PGM2: variants seen among roughly 807,000 people sequenced by gnomAD.
The protein encoded by PGM2 is phosphopentomutase.
PGM2 carries 57 observed loss-of-function variants against 74.6 expected under a neutral mutation model. The ratio of observed to expected loss-of-function variants is 0.76; its 90% confidence interval spans 0.62 to 0.95. The LOEUF (loss-of-function observed/expected upper bound fraction) is 0.95. PGM2 is among the 40% of genes least tolerant of loss of function. The pLI is 0.00. For synonymous variants in PGM2, 273 were observed against 260.7 expected (o/e 1.05, Z -0.46); for missense variants, 706 against 741.9 (o/e 0.95, Z 0.56).
rs1329354660 is a variant in PGM2, at chr4:37,862,747, A to G, written c.*1135A>G. On this transcript the variant is annotated 3_prime_UTR_variant, in exon 14 of 14. Coordinates refer to ENST00000381967, the MANE Select transcript of PGM2 (RefSeq NM_018290.4). ...AGTTTCAGAACAATGAAAAATTACA[A>G]TACTATGTGATAGTATTGTAACTAT... 1 of 152,132 alleles carries G rather than the reference A, an allele frequency of 6.6e-6. No homozygotes were observed. Among genetic ancestry groups the G allele is most frequent in the East Asian group, 1.9e-4 (1 of 5,190 alleles). 9.4% of individuals were successfully genotyped at this position (152,132 alleles called of 1,614,324 possible).
chr4:37,855,755 G>C lies in PGM2; in HGVS notation c.1736+14G>C. 6.3e-7 allele frequency: 1 copy of C among 1,581,710 alleles called. No homozygotes were observed. The highest frequency in any genetic ancestry group is 1.9e-5 in the Admixed American group (1 of 53,944). ...ACCTGGGAACAGGTATGATGTGGAT[G>C]GCAGCTGGTGTGATTTTTACTCCCC... On this transcript the variant is annotated intron_variant, in intron 13 of 13. Transcript: ENST00000381967.
At chr4:37,846,158 C>T (rs955512064) in intron 8 of PGM2, among the ~76,000 whole-genome samples, 1 of 152,072 alleles carries the variant, frequency 6.6e-6, no homozygotes, top group South Asian at 2.1e-4. Context: ...GGGAGGAATT[C>T]CTGTGGGGTA....
intron 8 of PGM2, 38 bp downstream of exon 8, chr4:37,845,768 T>C (rs1725855761): frequency 3.3e-6 from 4 of 1,213,260 alleles, no homozygotes; most frequent in Non-Finnish European, 3.7e-6. Flanking sequence ...ATAGAACATA[T>C]AAAGGATGAT....
intron 3 of PGM2, among the ~76,000 whole-genome samples, chr4:37,836,481 G>A (rs961009233): frequency 3.3e-5 from 5 of 152,218 alleles, no homozygotes; most frequent in African/African-American, 4.8e-5. Context: ...GGTGGGGAAC[G>A]TAAGCAGTAA....
intron 1 of PGM2, among the ~76,000 whole-genome samples, chr4:37,827,559 CT>C (rs1441440730): frequency 1.3e-5 from 2 of 151,478 alleles, no homozygotes; most frequent in African/African-American, 4.9e-5. Flanking sequence ...CCCGTTGTGA[CT>C]CATATTTTGT....
At position 37,839,894 on chromosome 4, in the gene PGM2, C is replaced by T. The variant is rs1372548277; in HGVS notation, c.488C>T (p.Thr163Ile). Residue 163 changes from threonine to isoleucine, a missense_variant, in exon 5 of 14, where the codon ACT becomes ATT. By Grantham distance (89) the Thr-to-Ile change is moderately conservative (BLOSUM62 -1). This residue lies in a region of PGM2 where 332 missense variants were observed against 334.9 expected (regional missense o/e 0.99). Coordinates refer to ENST00000381967, the MANE Select transcript of PGM2 (RefSeq NM_018290.4). ...HLKLCAGIMI[T>I]ASHNPKQDNG... Reference sequence around the variant, plus strand: ...AAACTTTGTGCTGGAATCATGATAACTGCATCTCACAATCCAAAGCAGGAT... The same window carrying T: ...AAACTTTGTGCTGGAATCATGATAATTGCATCTCACAATCCAAAGCAGGAT... The T allele has an allele frequency of 5.0e-6, 8 of 1,605,626 alleles. No individual in the cohort carries two copies. The highest frequency in any genetic ancestry group is 2.7e-5 in the African/African-American group (2 of 74,892).
intron 4 of PGM2, chr4:37,839,376 A>C: frequency 5.7e-6 from 2 of 350,252 alleles, no homozygotes; most frequent in Non-Finnish European, 1.1e-5. Context: ...TGGCCTCTCA[A>C]AGTGGTGGGA....
intron 6 of PGM2, among the ~76,000 whole-genome samples, chr4:37,841,129 A>G (rs936658435): frequency 1.8e-5 from 2 of 109,570 alleles, no homozygotes; most frequent in African/African-American, 8.7e-5. Context: ...TATATGTATA[A>G]TATACTTCAA....
At chr4:37,836,862 G>GGTGTGTGTGTGTGTGT (rs57338198) in intron 3 of PGM2, among the ~76,000 whole-genome samples, 5 of 150,416 alleles carry the variant, frequency 3.3e-5, no homozygotes, top group Admixed American at 3.3e-4. Flanking sequence ...TATGTGTATG[G>GGTGTGTGTGTGTGTGT]GTGTGTGTGT....
intron 10 of PGM2, chr4:37,847,620 CTG>C (rs1725912077): frequency 3.3e-6 from 1 of 307,220 alleles, no homozygotes; most frequent in Non-Finnish European, 6.3e-6. Flanking sequence ...GGCCTAAACA[CTG>C]TGGTATTTAA....
At chr4:37,858,399 G>A (rs1711627191) in intron 13 of PGM2, among the ~76,000 whole-genome samples, 1 of 151,664 alleles carries the variant, frequency 6.6e-6, no homozygotes, top group African/African-American at 2.4e-5. Context: ...TGCAATGGTG[G>A]AATCTTAGCT....
At chr4:37,829,185 C>CAA (rs528053339) in intron 1 of PGM2, among the ~76,000 whole-genome samples, 12,043 of 146,378 alleles carry the variant, frequency 0.082, 886 homozygotes, top group African/African-American at 0.18. Flanking sequence ...AACTACCATA[C>CAA]AAAAAAAAAA....
At position 37,826,719 on chromosome 4, in the gene PGM2, G is replaced by C; in HGVS notation, c.-14G>C. The C allele has an allele frequency of 6.5e-7, 1 of 1,547,370 alleles. No homozygotes were observed. Among genetic ancestry groups the C allele is most frequent in the Non-Finnish European group, 8.7e-7 (1 of 1,143,884 alleles). ...CCGCCTGCTTCCCTCTGCAGCGGTA[G>C]CACAAGCTCAGCGATGGCGGCTCCA... On this transcript the variant is annotated 5_prime_UTR_variant, in exon 1 of 14. Coordinates refer to ENST00000381967, the MANE Select transcript of PGM2 (RefSeq NM_018290.4).
intron 4 of PGM2, among the ~76,000 whole-genome samples, chr4:37,838,863 A>G (rs766888521): frequency 5.9e-5 from 9 of 152,096 alleles, no homozygotes; most frequent in Non-Finnish European, 8.8e-5. Flanking sequence ...CACCTGAGAG[A>G]TGTGACATAA....
chr4:37,855,724 T>A lies in PGM2; in HGVS notation c.1719T>A (p.Cys573Ter). 6.2e-7 allele frequency: 1 copy of A among 1,611,260 alleles called. No individual in the cohort carries two copies. Among genetic ancestry groups the A allele is most frequent in the South Asian group, 1.1e-5 (1 of 90,508 alleles). Residue 573 changes from cysteine to a stop codon, truncating the protein, a stop_gained, in exon 13 of 14, where the codon TGT becomes TGA. Transcript: ENST00000381967. LOFTEE classifies it high-confidence loss of function. ...EPKIKYYAEL[C>*]APPGNSDPEQ... Reference sequence around the variant, plus strand: ...AAATCAAGTACTATGCAGAGCTGTGTGCCCCACCTGGGAACAGGTATGATG... The same window carrying A: ...AAATCAAGTACTATGCAGAGCTGTGAGCCCCACCTGGGAACAGGTATGATG...
At chr4:37,855,152 CT>C (rs1560421281) in intron 12 of PGM2, among the ~76,000 whole-genome samples, 1 of 152,188 alleles carries the variant, frequency 6.6e-6, no homozygotes, top group African/African-American at 2.4e-5. Flanking sequence ...CTAGCTGAAA[CT>C]TTAGGCCCTT....
chr4:37,850,426 ATAAT>A, intron 12 of PGM2, 53 bp downstream of exon 12: 4 of 1,011,982 alleles, frequency 4.0e-6, no homozygotes, highest in Non-Finnish European at 5.5e-6. Flanking sequence ...ACCTTTTAAA[ATAAT>A]TTGAATAAAT....
intron 4 of PGM2, chr4:37,839,375 A>G (rs958717759): frequency 2.9e-6 from 1 of 350,158 alleles, no homozygotes; most frequent in African/African-American, 2.2e-5. Context: ...TTGGCCTCTC[A>G]AAGTGGTGGG....
chr4:37,855,780 C>T (rs376640088), intron 13 of PGM2, 39 bp downstream of exon 13: 12 of 1,551,756 alleles, frequency 7.7e-6, no homozygotes, highest in Non-Finnish European at 1.0e-5. Context: ...TTTTACTCCC[C>T]AGACTTCCTA....
Sources: allele counts gnomAD v4.1 joint callset (sites outside exome capture counted in the v4.1 genomes callset), GRCh38; gene constraint gnomAD v4.1.1; regional missense constraint gnomAD v4.1.1; transcripts MANE v1.5; gene names NCBI Gene and HGNC (gene_info 2026-07-23, HGNC 2026-07-21).